Variants in GPC6 observed in about 807,000 individuals in gnomAD.
GPC6 encodes glypican-6.
In GPC6, 14 loss-of-function variants were observed where a neutral mutation model predicts 55.2. That is an observed-to-expected ratio of 0.25 (90% CI 0.17 to 0.40). The LOEUF is 0.40. Among genes scored for constraint, GPC6 ranks in the 10% least tolerant of loss-of-function variants. The probability of loss-of-function intolerance (pLI) is 1.00; values close to 1 mark genes in which losing one functional copy is unlikely to be tolerated. For synonymous variants in GPC6, 278 were observed against 259.6 expected (o/e 1.07, Z -0.68); for missense variants, 641 against 708.5 (o/e 0.90, Z 1.08).
At position 94,078,732 on chromosome 13, in the gene GPC6, A is replaced by T. The variant is rs535053390; in HGVS notation, c.877+50838A>T. ...ACTCTAAACAGAACACCAACAAGTA[A>T]CAAGACTGACACAGTAATAAAAAAC... is the stretch of plus-strand genomic sequence containing the variant. On this transcript the variant is annotated intron_variant, in intron 4 of 8. Coordinates refer to ENST00000377047, the MANE Select transcript of GPC6 (RefSeq NM_005708.5). Among the ~76,000 whole-genome samples, 8 of 152,116 alleles carry T rather than the reference A, an allele frequency of 5.3e-5. No individual in the cohort carries two copies. In the East Asian group the frequency reaches 1.5e-3, roughly 29 times the overall value.
rs146231159 is a variant in GPC6, at chr13:93,872,032, A to T, written c.711+41487A>T. 3.2e-4 allele frequency among the ~76,000 whole-genome samples: 49 copies of T among 152,152 alleles called. No homozygotes were observed. In the East Asian group the frequency reaches 7.4e-3, roughly 23 times the overall value. On this transcript the variant is annotated intron_variant, in intron 3 of 8. Coordinates refer to ENST00000377047, the MANE Select transcript of GPC6 (RefSeq NM_005708.5). ...ACTGATTGCTAATTTATATGAATTCATGTATTCAAATTTATGATCTTTGAA... is the reference window on the plus strand; with the variant it reads ...ACTGATTGCTAATTTATATGAATTCTTGTATTCAAATTTATGATCTTTGAA...
intron 1 of GPC6, among the ~76,000 whole-genome samples, chr13:93,461,380 C>A (rs1878680514): frequency 6.6e-6 from 1 of 152,096 alleles, no homozygotes. Flanking sequence ...TGAAAAGCAT[C>A]TAAAATTTCT....
At chr13:93,278,722 C>T (rs1388009648) in intron 1 of GPC6, among the ~76,000 whole-genome samples, 1 of 152,082 alleles carries the variant, frequency 6.6e-6, no homozygotes, top group Non-Finnish European at 1.5e-5. Context: ...ATTTGTAAAG[C>T]AGTGGGTATA....
At chr13:93,522,450 T>A (rs964876449) in intron 1 of GPC6, among the ~76,000 whole-genome samples, 2 of 152,000 alleles carry the variant, frequency 1.3e-5, no homozygotes, top group African/African-American at 4.8e-5. Flanking sequence ...TCCCATTAAT[T>A]AGCTAAATAA....
At chr13:93,545,748 A>C (rs1471108610) in intron 2 of GPC6, among the ~76,000 whole-genome samples, 1 of 152,180 alleles carries the variant, frequency 6.6e-6, no homozygotes, top group Admixed American at 6.5e-5. Context: ...TCTAGTTTTC[A>C]TATGGGGATT....
chr13:94,040,065 C>G (rs1883476882), intron 4 of GPC6, among the ~76,000 whole-genome samples: 1 of 151,818 alleles, frequency 6.6e-6, no homozygotes, highest in Non-Finnish European at 1.5e-5. Flanking sequence ...TTCATAATTG[C>G]AGTCAGTTCA....
intron 1 of GPC6, among the ~76,000 whole-genome samples, chr13:93,437,545 C>G (rs1877620174): frequency 6.6e-6 from 1 of 152,162 alleles, no homozygotes; most frequent in Non-Finnish European, 1.5e-5. Context: ...TCAAACCAGT[C>G]ACAACATTTC....
chr13:94,106,974 A>C (rs1297014020), intron 4 of GPC6, among the ~76,000 whole-genome samples: 1 of 152,178 alleles, frequency 6.6e-6, no homozygotes, highest in African/African-American at 2.4e-5. Flanking sequence ...CCTAGTAGAC[A>C]AAAGAAAAGG....
intron 1 of GPC6, among the ~76,000 whole-genome samples, chr13:93,257,486 T>C (rs1030730824): frequency 6.6e-6 from 1 of 152,198 alleles, no homozygotes; most frequent in Admixed American, 6.5e-5. Flanking sequence ...CAAGGTAAAC[T>C]ATGGAAATTA....
At chr13:93,848,276 G>A (rs1381554834) in intron 3 of GPC6, among the ~76,000 whole-genome samples, 4 of 152,088 alleles carry the variant, frequency 2.6e-5, no homozygotes, top group Non-Finnish European at 5.9e-5. Flanking sequence ...TGGGTACTCA[G>A]AAACCCTCAA....
chr13:93,887,715 C>T (rs569637920), intron 3 of GPC6, among the ~76,000 whole-genome samples: 17 of 152,210 alleles, frequency 1.1e-4, no homozygotes, highest in African/African-American at 3.9e-4. Flanking sequence ...CGTGATACAA[C>T]CTTATTGAAT....
intron 6 of GPC6, among the ~76,000 whole-genome samples, chr13:94,375,343 C>A (rs529384357): frequency 3.3e-5 from 5 of 152,130 alleles, no homozygotes; most frequent in Admixed American, 2.6e-4. Flanking sequence ...ATCAAGTAGA[C>A]ACAATAAAAA....
chr13:94,198,829 C>A (rs1221468937), intron 4 of GPC6, among the ~76,000 whole-genome samples: 2 of 152,178 alleles, frequency 1.3e-5, no homozygotes, highest in Non-Finnish European at 2.9e-5. Flanking sequence ...GTTTGCTCAA[C>A]CCCCTGCCGG....
intron 1 of GPC6, among the ~76,000 whole-genome samples, chr13:93,471,799 G>T (rs140304467): frequency 4.6e-5 from 7 of 152,106 alleles, no homozygotes; most frequent in Non-Finnish European, 1.0e-4. Flanking sequence ...CCAGGATATG[G>T]TCTATCCTGG....
At chr13:94,167,572 G>C (rs1888410215) in intron 4 of GPC6, among the ~76,000 whole-genome samples, 1 of 152,172 alleles carries the variant, frequency 6.6e-6, no homozygotes, top group Non-Finnish European at 1.5e-5. Flanking sequence ...TGTGGAATAG[G>C]AGAGAGTTGA....
intron 2 of GPC6, among the ~76,000 whole-genome samples, chr13:93,680,598 T>C (rs1881810834): frequency 6.6e-6 from 1 of 152,122 alleles, no homozygotes; most frequent in African/African-American, 2.4e-5. Context: ...GCCAAAGCTA[T>C]AGAACCAGAA....
At chr13:94,250,084 T>C (rs1036982985) in intron 4 of GPC6, among the ~76,000 whole-genome samples, 36 of 152,160 alleles carry the variant, frequency 2.4e-4, no homozygotes, top group African/African-American at 8.4e-4. Context: ...CATTAATAAA[T>C]GCCAAGCACT....
chr13:94,188,536 A>G (rs1429843423), intron 4 of GPC6, among the ~76,000 whole-genome samples: 1 of 152,194 alleles, frequency 6.6e-6, no homozygotes, highest in Non-Finnish European at 1.5e-5. Context: ...GAAAAAAAGA[A>G]AGTGAAATCA....
intron 2 of GPC6, among the ~76,000 whole-genome samples, chr13:93,797,015 C>A (rs929900632): frequency 3.9e-5 from 6 of 152,304 alleles, no homozygotes; most frequent in Non-Finnish European, 8.8e-5. Flanking sequence ...AACAACCTAA[C>A]AAAACCACAA....
Sources: allele counts gnomAD v4.1 joint callset (sites outside exome capture counted in the v4.1 genomes callset), GRCh38; gene constraint gnomAD v4.1.1; transcripts MANE v1.5; gene names NCBI Gene and HGNC (gene_info 2026-07-23, HGNC 2026-07-21).